Variants in ATRX observed in about 807,000 individuals in gnomAD.
ATRX encodes the protein chromatin remodeler ATRX.
In ATRX, 12 loss-of-function variants were observed where a neutral mutation model predicts 172.6. The observed-to-expected ratio is 0.07, with a 90% CI of 0.04 to 0.11. The LOEUF (loss-of-function observed/expected upper bound fraction) is 0.11, where lower values mean the gene tolerates loss of function less well. Ranked by LOEUF, ATRX falls within the 10% of genes least tolerant of loss-of-function variation. ATRX has a pLI of 1.00. For synonymous variants in ATRX, 674 were observed against 594.7 expected (o/e 1.13, Z -1.94); for missense variants, 1,368 against 1,767.4 (o/e 0.77, Z 4.05).
chrX:77,769,391 C>A (rs1207460656), intron 1 of ATRX, among the ~76,000 whole-genome samples: 2 of 108,932 alleles, frequency 1.8e-5, no homozygotes, highest in African/African-American at 6.7e-5. Context: ...CTGGTTCAAG[C>A]AATTCTCCTG....
At chrX:77,655,850 C>G (rs2069519689) in intron 13 of ATRX, among the ~76,000 whole-genome samples, 1 of 110,853 alleles carries the variant, frequency 9.0e-6, no homozygotes, top group Non-Finnish European at 1.9e-5. Flanking sequence ...CAGATAGACA[C>G]CTTTGTAGAC....
intron 21 of ATRX, among the ~76,000 whole-genome samples, chrX:77,617,285 A>G (rs1160233956): frequency 8.9e-6 from 1 of 111,929 alleles, no homozygotes; most frequent in Non-Finnish European, 1.9e-5. Context: ...CAGAACACCA[A>G]TGTGCTAAAT....
intron 19 of ATRX, among the ~76,000 whole-genome samples, chrX:77,632,168 AT>A (rs1396201289): frequency 9.1e-6 from 1 of 109,968 alleles, no homozygotes; most frequent in Non-Finnish European, 1.9e-5. Flanking sequence ...CCGGCCAAAA[AT>A]TTTTTTTAAA....
rs1557106749 is a variant in ATRX at position 77,633,685 on chromosome X, A to G, written c.4837T>C (p.Leu1613=). The part of the protein sequence containing the change: ...QVVSFLHTVL[L]CDKLDFSTAL... ...GTGCTGAAATCCAGTTTGTCACACA[A>G]AAGAACTGTATGAAGAAAACTTACC... The change falls in exon 18 of 35, where the codon TTG becomes CTG. Residue 1613 remains leucine, a synonymous_variant. Transcript: ENST00000373344. 1.7e-6 allele frequency: 2 copies of G among 1,210,860 alleles called. No homozygotes were observed. Among genetic ancestry groups the G allele is most frequent in the Non-Finnish European group, 2.2e-6 (2 of 894,744 alleles).
intron 1 of ATRX, among the ~76,000 whole-genome samples, chrX:77,781,441 CAAAAAAAAA>C (rs781859880): frequency 3.5e-5 from 1 of 28,910 alleles, no homozygotes; most frequent in South Asian, 1.9e-3. Flanking sequence ...GACTCTGTCT[CAAAAAAAAA>C]AAAAAAAAAA....
rs782532967 is a variant in ATRX at position 77,578,640 on chromosome X, C to T, written c.6218-4282G>A. Among the ~76,000 whole-genome samples, 11 of 111,948 alleles carry T rather than the reference C, an allele frequency of 9.8e-5. No homozygotes were observed. In the South Asian group the frequency reaches 4.2e-3, roughly 42 times the overall value. On this transcript the variant is annotated intron_variant, in intron 27 of 34. Transcript: ENST00000373344. ...GGCCCTGAATCATCAGCAGCAATAA[C>T]CAGGTAGTACACATTGTGGGGCATG...
At chrX:77,531,311 G>C (rs2063567416) in intron 30 of ATRX, among the ~76,000 whole-genome samples, 1 of 111,679 alleles carries the variant, frequency 9.0e-6, no homozygotes, top group Non-Finnish European at 1.9e-5. Flanking sequence ...ACCTGGCAGA[G>C]ATACAACAAA....
chrX:77,757,750 C>T (rs1381583601), intron 1 of ATRX, among the ~76,000 whole-genome samples: 1 of 108,069 alleles, frequency 9.3e-6, no homozygotes, highest in African/African-American at 3.4e-5. Flanking sequence ...CAGCTCACTG[C>T]AACCTCCACC....
At chrX:77,740,635 A>G (rs1456383171) in intron 1 of ATRX, among the ~76,000 whole-genome samples, 1 of 109,738 alleles carries the variant, frequency 9.1e-6, no homozygotes, top group African/African-American at 3.3e-5. Context: ...CAATTCAGGG[A>G]CTCAGGACCA....
intron 34 of ATRX, among the ~76,000 whole-genome samples, chrX:77,515,149 T>C (rs1440231215): frequency 9.0e-6 from 1 of 111,705 alleles, no homozygotes; most frequent in Non-Finnish European, 1.9e-5. Flanking sequence ...ACACTGCTGG[T>C]GGGAGTGTAA....
intron 6 of ATRX, chrX:77,690,793 T>C (rs1428036994): frequency 8.9e-6 from 1 of 112,501 alleles, no homozygotes; most frequent in Non-Finnish European, 1.9e-5. Flanking sequence ...CAGTGTTAAG[T>C]AATACTTACT....
chrX:77,720,863 G>C (rs1603273085), intron 1 of ATRX, among the ~76,000 whole-genome samples: 1 of 111,499 alleles, frequency 9.0e-6, no homozygotes, highest in Non-Finnish European at 1.9e-5. Context: ...ACCTGGCAGA[G>C]ACACAACAAA....
In ATRX at chrX:77,683,120, C is replaced by G. The variant is rs2071344638; in HGVS notation, c.2136G>C (p.Lys712Asn). 1 of 1,210,894 alleles carries G rather than the reference C, an allele frequency of 8.3e-7. No individual in the cohort carries two copies. Among genetic ancestry groups the G allele is most frequent in the Non-Finnish European group, 1.1e-6 (1 of 895,035 alleles). ...NSSDSAIDNPKPNKLPKSKQS... is the reference protein window; with the variant it reads ...NSSDSAIDNPNPNKLPKSKQS... ...GCTTAGATTTTGGCAATTTATTAGGCTTAGGATTATCTATAGCACTGTCAG... is the reference window on the plus strand; with the variant it reads ...GCTTAGATTTTGGCAATTTATTAGGGTTAGGATTATCTATAGCACTGTCAG... The change falls in exon 9 of 35, where the codon AAG becomes AAC. Residue 712 changes from lysine to asparagine, a missense_variant. By Grantham distance (94) the Lys-to-Asn change is moderately conservative. Around this residue, in one of 17 missense-constraint regions of ATRX, gnomAD observed 843 missense variants for 643.1 expected, o/e 1.31. Coordinates refer to ENST00000373344, the MANE Select transcript of ATRX (RefSeq NM_000489.6).
chrX:77,548,374 C>T (rs2064327874), intron 30 of ATRX, among the ~76,000 whole-genome samples: 1 of 111,189 alleles, frequency 9.0e-6, no homozygotes, highest in African/African-American at 3.3e-5. Flanking sequence ...AATATTCAAA[C>T]TTGTTTTATT....
At chrX:77,713,279 AG>A (rs1416476631) in intron 2 of ATRX, among the ~76,000 whole-genome samples, 1 of 112,221 alleles carries the variant, frequency 8.9e-6, no homozygotes, top group Non-Finnish European at 1.9e-5. Flanking sequence ...TAAAAGTATC[AG>A]TATCAACTCA....
intron 25 of ATRX, chrX:77,596,883 G>A (rs1557084200): frequency 9.0e-6 from 1 of 110,903 alleles, no homozygotes; most frequent in African/African-American, 3.3e-5. Context: ...TTATAGCACA[G>A]GATGATGCAC....
chrX:77,644,202 A>G (rs1357005562), intron 15 of ATRX, among the ~76,000 whole-genome samples: 1 of 112,650 alleles, frequency 8.9e-6, no homozygotes, highest in East Asian at 2.8e-4. Context: ...TTGGCCTCCC[A>G]AAGTGCTGGG....
At chrX:77,553,222 A>C (rs915621237) in intron 30 of ATRX, among the ~76,000 whole-genome samples, 2 of 111,714 alleles carry the variant, frequency 1.8e-5, no homozygotes, top group South Asian at 7.5e-4. Context: ...ATGAAATTCT[A>C]ATTATAAATC....
chrX:77,558,649 AAAGAG>A lies in ATRX; in HGVS notation c.6504+15_6504+19del. 8.7e-7 allele frequency: 1 copy of A among 1,153,303 alleles called. No individual in the cohort carries two copies. Among genetic ancestry groups the A allele is most frequent in the African/African-American group, 1.8e-5 (1 of 56,334 alleles). ...GTTTCACATAAACTTTCAATATGAA[AAAGAG>A]AATTATAAACCTACCTGAGCTAAGA... On this transcript the variant is annotated intron_variant, in intron 29 of 34. Transcript: ENST00000373344.
Sources: gnomAD v4.1 joint callset for allele counts (sites outside exome capture counted in the v4.1 genomes callset) on GRCh38, gnomAD v4.1.1 for gene constraint, gnomAD v4.1.1 regional missense constraint, MANE v1.5 for transcripts, NCBI Gene and HGNC (gene_info 2026-07-23, HGNC 2026-07-21) for gene names.